Variants in LRFN5 observed in about 807,000 individuals in gnomAD.
LRFN5 encodes leucine rich repeat and fibronectin type III domain containing 5.
In LRFN5, 24 loss-of-function variants were observed where a neutral mutation model predicts 45.6. The observed-to-expected ratio is 0.53, with a 90% CI of 0.38 to 0.74. The LOEUF (loss-of-function observed/expected upper bound fraction) is 0.74, where lower values mean the gene tolerates loss of function less well. LRFN5 is among the 30% of genes least tolerant of loss of function. LRFN5 has a pLI of 0.00. For missense variants in LRFN5, 776 were observed against 861.5 expected (o/e 0.90, Z 1.24); for synonymous variants, 340 against 313.8 (o/e 1.08, Z -0.88).
At chr14:41,650,266 C>CACACACACACACACAA (rs1247683262) in intron 1 of LRFN5, among the ~76,000 whole-genome samples, 16 of 135,530 alleles carry the variant, frequency 1.2e-4, no homozygotes, top group African/African-American at 3.7e-4. Flanking sequence ...CACACACACA[C>CACACACACACACACAA]AAAAAAAAAA....
chr14:41,734,316 T>TTTTA (rs1555358693), intron 1 of LRFN5, among the ~76,000 whole-genome samples: 1 of 38,768 alleles, frequency 2.6e-5, no homozygotes, highest in Non-Finnish European at 6.9e-5. Flanking sequence ...TGGACTGGTT[T>TTTTA]TATATATATA....
chr14:41,895,000 T>C, intron 4 of LRFN5: 1 of 980,748 alleles, frequency 1.0e-6, no homozygotes, highest in Middle Eastern at 5.3e-4. Flanking sequence ...CTCGTTCTTA[T>C]TTTTCTTTTA....
chr14:41,620,271 C>T lies in LRFN5; in HGVS notation c.-197+11709C>T, dbSNP rs1013538413. ...AGTAACTAACTATTGTTAAACTAAC[C>T]GGGATATTTTAAAAGCAACGTCTCA... is the stretch of plus-strand genomic sequence containing the variant. On this transcript the variant is annotated intron_variant, in intron 1 of 5. Transcript: ENST00000298119. Among the ~76,000 whole-genome samples the T allele has an allele frequency of 7.2e-5, 11 of 152,088 alleles. 1 individual carries two copies. The highest frequency in any genetic ancestry group is 3.9e-4 in the East Asian group (2 of 5,164).
chr14:41,621,091 CT>C (rs1594555992), intron 1 of LRFN5, among the ~76,000 whole-genome samples: 1 of 152,032 alleles, frequency 6.6e-6, no homozygotes, highest in East Asian at 1.9e-4. Context: ...TGTGTATATA[CT>C]TTTAGTGATA....
intron 1 of LRFN5, among the ~76,000 whole-genome samples, chr14:41,704,426 C>CTGTG (rs1566628792): frequency 3.5e-5 from 2 of 57,146 alleles, no homozygotes; most frequent in African/African-American, 3.7e-4. Context: ...CTCTCTCTCT[C>CTGTG]TCTCTCTCTC....
At chr14:41,815,317 C>T (rs1219517822) in intron 2 of LRFN5, among the ~76,000 whole-genome samples, 1 of 152,070 alleles carries the variant, frequency 6.6e-6, no homozygotes, top group Non-Finnish European at 1.5e-5. Flanking sequence ...TAATTAATAT[C>T]CTTGGTCTGA....
chr14:41,657,961 T>C (rs1164965322), intron 1 of LRFN5, among the ~76,000 whole-genome samples: 1 of 151,802 alleles, frequency 6.6e-6, no homozygotes, highest in Non-Finnish European at 1.5e-5. Context: ...TATGTCAACA[T>C]TTTTTCAAGT....
chr14:41,866,178 A>C (rs1045177671), intron 2 of LRFN5, among the ~76,000 whole-genome samples: 1 of 152,148 alleles, frequency 6.6e-6, no homozygotes, highest in Admixed American at 6.6e-5. Flanking sequence ...TTATGGGGTT[A>C]GATATTACAT....
intron 1 of LRFN5, among the ~76,000 whole-genome samples, chr14:41,687,498 A>C (rs1882174167): frequency 6.6e-6 from 1 of 152,222 alleles, no homozygotes; most frequent in Non-Finnish European, 1.5e-5. Flanking sequence ...TATACACCCA[A>C]GGGAATGTAA....
intron 2 of LRFN5, among the ~76,000 whole-genome samples, chr14:41,877,961 TATA>T (rs1324968223): frequency 1.3e-5 from 2 of 152,090 alleles, no homozygotes; most frequent in African/African-American, 2.4e-5. Flanking sequence ...TAGTGACTGT[TATA>T]ATCAAATCCC....
chr14:41,818,489 A>C (rs1158969197), intron 2 of LRFN5, among the ~76,000 whole-genome samples: 3 of 151,880 alleles, frequency 2.0e-5, no homozygotes, highest in Non-Finnish European at 2.9e-5. Context: ...TATACATATG[A>C]TATACACACA....
intron 2 of LRFN5, among the ~76,000 whole-genome samples, chr14:41,878,354 T>C (rs2139132584): frequency 6.6e-6 from 1 of 152,256 alleles, no homozygotes; most frequent in South Asian, 2.1e-4. Context: ...CCAATAGCTT[T>C]CCTTTAACTC....
At chr14:41,808,838 G>T (rs192108052) in intron 2 of LRFN5, among the ~76,000 whole-genome samples, 12 of 152,100 alleles carry the variant, frequency 7.9e-5, no homozygotes, top group Non-Finnish European at 1.0e-4. Flanking sequence ...TTGCTTATTA[G>T]GTCAGGAAGA....
chr14:41,861,547 T>C (rs1357912270), intron 2 of LRFN5, among the ~76,000 whole-genome samples: 2 of 152,190 alleles, frequency 1.3e-5, no homozygotes, highest in African/African-American at 2.4e-5. Flanking sequence ...TTAATGAGTG[T>C]CTACATGTTT....
At chr14:41,715,914 G>T (rs1288838510) in intron 1 of LRFN5, among the ~76,000 whole-genome samples, 1 of 152,164 alleles carries the variant, frequency 6.6e-6, no homozygotes, top group African/African-American at 2.4e-5. Flanking sequence ...CCCTGCCCCT[G>T]CAGCAAACTT....
intron 1 of LRFN5, among the ~76,000 whole-genome samples, chr14:41,609,789 A>C (rs937940839): frequency 6.6e-6 from 1 of 152,182 alleles, no homozygotes; most frequent in Admixed American, 6.5e-5. Flanking sequence ...TTCAGGAGGC[A>C]GTGACTGGGG....
At chr14:41,609,751 T>A (rs984703665) in intron 1 of LRFN5, among the ~76,000 whole-genome samples, 1 of 152,200 alleles carries the variant, frequency 6.6e-6, no homozygotes, top group Non-Finnish European at 1.5e-5. Context: ...GCGGAGGATT[T>A]GGCCCAGCCA....
chr14:41,888,953 A>T (rs1237171707), intron 3 of LRFN5, among the ~76,000 whole-genome samples: 1 of 150,352 alleles, frequency 6.7e-6, no homozygotes, highest in African/African-American at 2.4e-5. Context: ...TTTGCATTTT[A>T]TATATATATA....
chr14:41,674,335 C>A, intron 1 of LRFN5, among the ~76,000 whole-genome samples: 1 of 133,758 alleles, frequency 7.5e-6, no homozygotes, highest in East Asian at 2.3e-4. Flanking sequence ...GGGGCCGACC[C>A]CCCCACCTCC....
Sources: allele counts gnomAD v4.1 joint callset (sites outside exome capture counted in the v4.1 genomes callset), GRCh38; gene constraint gnomAD v4.1.1; transcripts MANE v1.5; gene names NCBI Gene and HGNC (gene_info 2026-07-23, HGNC 2026-07-21).